Variants in MTSS1 observed in about 807,000 individuals in gnomAD.
MTSS1 encodes protein MTSS 1.
Under a neutral mutation model 79.0 loss-of-function variants are expected in MTSS1, and 18 were observed. The ratio of observed to expected loss-of-function variants is 0.23; its 90% CI spans 0.16 to 0.34. MTSS1 has a LOEUF of 0.34. MTSS1 is among the 10% of genes least tolerant of loss of function. MTSS1 has a pLI of 1.00. For synonymous variants in MTSS1, 341 were observed against 368.6 expected (o/e 0.93, Z 0.86); for missense variants, 815 against 986.2 (o/e 0.83, Z 2.33).
chr8:124,568,963 G>T, intron 6 of MTSS1: 2 of 742,998 alleles, frequency 2.7e-6, no homozygotes, highest in Non-Finnish European at 3.7e-6. Flanking sequence ...TGGCTTTGTT[G>T]GGTCAATCTC....
chr8:124,665,262 A>G (rs1416854408), intron 3 of MTSS1, among the ~76,000 whole-genome samples: 1 of 152,238 alleles, frequency 6.6e-6, no homozygotes, highest in African/African-American at 2.4e-5. Flanking sequence ...AATTCTTTAA[A>G]GATTTGCTCA....
Position 124,651,596 on chromosome 8 carries a change from C to A in MTSS1, c.208+47930G>T, listed in dbSNP as rs114727846. On this transcript the variant is annotated intron_variant, in intron 3 of 13. Coordinates refer to ENST00000518547, the MANE Select transcript of MTSS1 (RefSeq NM_014751.6). ...AAGGGCCCTTCCCTGAAACCACAGACCAGATAAAGAGCTATGTGAAAGCAT... is the reference window on the plus strand; with the variant it reads ...AAGGGCCCTTCCCTGAAACCACAGAACAGATAAAGAGCTATGTGAAAGCAT... Among the ~76,000 whole-genome samples the A allele has an allele frequency of 9.8e-3, 1,488 of 152,228 alleles. 28 individuals carry two copies. The highest frequency in any genetic ancestry group is 0.035 in the African/African-American group (1,443 of 41,528).
At chr8:124,673,750 A>C (rs1274498551) in intron 3 of MTSS1, among the ~76,000 whole-genome samples, 2 of 152,318 alleles carry the variant, frequency 1.3e-5, no homozygotes, top group Non-Finnish European at 2.9e-5. Context: ...AGAGGAAAGC[A>C]CTATTTCTTT....
chr8:124,575,411 G>A (rs1828770642), intron 6 of MTSS1, among the ~76,000 whole-genome samples: 1 of 152,202 alleles, frequency 6.6e-6, no homozygotes, highest in African/African-American at 2.4e-5. Flanking sequence ...GCTGCTGGAA[G>A]GGGAAATGAA....
chr8:124,662,133 T>A (rs1822163573), intron 3 of MTSS1, among the ~76,000 whole-genome samples: 1 of 152,248 alleles, frequency 6.6e-6, no homozygotes, highest in South Asian at 2.1e-4. Context: ...GCTACAACGT[T>A]CCAGGGGCCC....
intron 3 of MTSS1, among the ~76,000 whole-genome samples, chr8:124,627,678 G>A (rs765194753): frequency 2.0e-5 from 3 of 152,200 alleles, no homozygotes; most frequent in East Asian, 3.9e-4. Flanking sequence ...GGTGGCGGGG[G>A]GGTCCCCCAG....
At chr8:124,649,616 T>C (rs1819596581) in intron 3 of MTSS1, among the ~76,000 whole-genome samples, 1 of 152,152 alleles carries the variant, frequency 6.6e-6, no homozygotes. Flanking sequence ...TTAATGGTAA[T>C]GACCCTACTG....
At chr8:124,710,793 C>T (rs1006062621) in intron 1 of MTSS1, among the ~76,000 whole-genome samples, 4 of 152,106 alleles carry the variant, frequency 2.6e-5, no homozygotes, top group Non-Finnish European at 4.4e-5. Flanking sequence ...TTCAACACCA[C>T]GCTGCCACAC....
intron 3 of MTSS1, among the ~76,000 whole-genome samples, chr8:124,646,032 C>A (rs1032033713): frequency 6.6e-6 from 1 of 152,196 alleles, no homozygotes; most frequent in Non-Finnish European, 1.5e-5. Flanking sequence ...AAATAAAACA[C>A]ACTTTAAAAA....
Position 124,557,885 on chromosome 8 carries a change from A to G in MTSS1, c.1036-10T>C, listed in dbSNP as rs1167861024. The G allele has an allele frequency of 6.4e-7, 1 of 1,563,590 alleles. No homozygotes were observed. The highest frequency in any genetic ancestry group is 8.7e-7 in the Non-Finnish European group (1 of 1,151,022). The stretch of plus-strand genomic sequence containing the variant: ...AAAACCCGTTAGACAACTGGAAACA[A>G]ACAAAAAAAGGGGGGGGGAAGGAAA... On this transcript the variant is annotated splice_polypyrimidine_tract_variant and intron_variant, in intron 10 of 13. Coordinates refer to ENST00000518547, the MANE Select transcript of MTSS1 (RefSeq NM_014751.6).
chr8:124,676,238 C>T (rs545997929), intron 3 of MTSS1, among the ~76,000 whole-genome samples: 48 of 152,276 alleles, frequency 3.2e-4, no homozygotes, highest in Middle Eastern at 6.8e-3. Context: ...CAAAACTGGA[C>T]ATTATTCCTA....
intron 1 of MTSS1, among the ~76,000 whole-genome samples, chr8:124,723,523 G>A (rs112793093): frequency 7.2e-6 from 1 of 138,438 alleles, no homozygotes; most frequent in African/African-American, 2.7e-5. Context: ...TAGGGAGGGG[G>A]TTTTCACAAA....
In MTSS1 at chr8:124,556,519, C is replaced by T. The variant is rs894467663; in HGVS notation, c.1231-114G>A. 1.1e-4 allele frequency: 135 copies of T among 1,217,504 alleles called. 1 individual carries two copies. Among genetic ancestry groups the T allele is most frequent in the Admixed American group, 2.9e-4 (10 of 34,964 alleles). The allele number at this position is 1,217,504 out of a possible 1,614,324, so 75.4% of individuals were successfully genotyped here. ...AGCTGGTCCCCTTAAGGGGAACCTC[C>T]GGCTGGGACAAGCCACAGGCCCTCT... On this transcript the variant is annotated intron_variant, in intron 11 of 13. Transcript: ENST00000518547.
chr8:124,576,047 C>T (rs1337430525), intron 6 of MTSS1, among the ~76,000 whole-genome samples: 1 of 152,184 alleles, frequency 6.6e-6, no homozygotes, highest in Non-Finnish European at 1.5e-5. Context: ...TAGACAACAA[C>T]CACCACTTGC....
intron 3 of MTSS1, among the ~76,000 whole-genome samples, chr8:124,644,076 C>T (rs1215370132): frequency 6.6e-6 from 1 of 152,050 alleles, no homozygotes; most frequent in Non-Finnish European, 1.5e-5. Flanking sequence ...AATAGGATTC[C>T]CTTTAGGCCC....
chr8:124,563,902 G>A (rs546185593), intron 9 of MTSS1, among the ~76,000 whole-genome samples: 56 of 152,268 alleles, frequency 3.7e-4, no homozygotes, highest in African/African-American at 1.2e-3. Flanking sequence ...AGGCCAAAGC[G>A]GGTGGATCAC....
At chr8:124,604,553 A>T (rs576547757) in intron 3 of MTSS1, among the ~76,000 whole-genome samples, 54 of 152,338 alleles carry the variant, frequency 3.5e-4, no homozygotes, top group African/African-American at 1.3e-3. Context: ...ACTCATTTTA[A>T]TCTTCAAGGA....
chr8:124,604,335 G>A (rs1472663292), intron 3 of MTSS1, among the ~76,000 whole-genome samples: 1 of 152,124 alleles, frequency 6.6e-6, no homozygotes, highest in African/African-American at 2.4e-5. Context: ...GCCATGGGTT[G>A]GACAAGCTTG....
At chr8:124,650,049 G>A (rs144999617) in intron 3 of MTSS1, among the ~76,000 whole-genome samples, 2,113 of 148,888 alleles carry the variant, frequency 0.014, 44 homozygotes, top group African/African-American at 0.05. Context: ...TTTTTCCCTC[G>A]AGATGGAGTC....
Sources: allele counts gnomAD v4.1 joint callset (sites outside exome capture counted in the v4.1 genomes callset), GRCh38; gene constraint gnomAD v4.1.1; transcripts MANE v1.5; gene names NCBI Gene and HGNC (gene_info 2026-07-23, HGNC 2026-07-21).